Variants in FAM167A observed in about 807,000 individuals in gnomAD.
The protein encoded by FAM167A is family with sequence similarity 167 member A.
In FAM167A, 23 loss-of-function variants were observed where a neutral mutation model predicts 14.9. That is an observed-to-expected ratio of 1.55 (90% CI 1.11 to 2.19). FAM167A has a LOEUF of 2.19. Ranked by LOEUF, FAM167A falls within the 30% of genes most tolerant of loss-of-function variation. FAM167A has a pLI of 0.00. For synonymous variants in FAM167A, 174 were observed against 117.7 expected (o/e 1.48, Z -3.10); for missense variants, 401 against 281.5 (o/e 1.42, Z -3.04).
At chr8:11,460,548 T>C (rs1304003220) in intron 1 of FAM167A, among the ~76,000 whole-genome samples, 1 of 152,182 alleles carries the variant, frequency 6.6e-6, no homozygotes, top group African/African-American at 2.4e-5. Flanking sequence ...GTTTGCAGTG[T>C]CCTATGCTAA....
At chr8:11,435,830 T>C (rs1805966713) in intron 2 of FAM167A, among the ~76,000 whole-genome samples, 1 of 152,242 alleles carries the variant, frequency 6.6e-6, no homozygotes, top group African/African-American at 2.4e-5. Flanking sequence ...ACACTACTGA[T>C]CATTTATGAG....
chr8:11,438,039 G>A (rs753612285), intron 2 of FAM167A: 1 of 393,666 alleles, frequency 2.5e-6, no homozygotes, highest in South Asian at 1.8e-5. Context: ...CTCCTTCGAA[G>A]GGAAACTTCA....
upstream of FAM167A, among the ~76,000 whole-genome samples, chr8:11,470,478 G>A (rs975612235): frequency 6.6e-6 from 1 of 152,258 alleles, no homozygotes; most frequent in Non-Finnish European, 1.5e-5. Flanking sequence ...CAGGTGCTGC[G>A]GCAGAGCCCT....
At position 11,424,299 on chromosome 8, in the gene FAM167A, T is replaced by G. The variant is rs1804973349; in HGVS notation, c.*74A>C. The G allele has an allele frequency of 6.3e-7, 1 of 1,585,920 alleles. No individual in the cohort carries two copies. Among genetic ancestry groups the G allele is most frequent in the South Asian group, 1.1e-5 (1 of 87,702 alleles). ...CTCCGGGAGACCCACTGGAGTAACT[T>G]GGCCTCAGCTTCCTCTGACACCCCT... On this transcript the variant is annotated 3_prime_UTR_variant, in exon 3 of 3. Transcript: ENST00000284486.
upstream of FAM167A, among the ~76,000 whole-genome samples, chr8:11,469,567 G>A (rs1807890082): frequency 1.3e-5 from 2 of 152,132 alleles, no homozygotes; most frequent in South Asian, 4.1e-4. Flanking sequence ...TGAAATAGAT[G>A]AGTCAAGAAA....
intron 2 of FAM167A, among the ~76,000 whole-genome samples, chr8:11,439,618 G>A (rs984641097): frequency 3.3e-5 from 5 of 152,180 alleles, no homozygotes; most frequent in African/African-American, 9.7e-5. Flanking sequence ...GGGGAGGGAG[G>A]AGACTGCGGG....
chr8:11,435,858 T>A (rs1192180199), intron 2 of FAM167A, among the ~76,000 whole-genome samples: 1 of 152,254 alleles, frequency 6.6e-6, no homozygotes, highest in Non-Finnish European at 1.5e-5. Flanking sequence ...TAAGCCCATA[T>A]CCACACACTT....
chr8:11,424,588 G>A lies in FAM167A; in HGVS notation c.430C>T (p.Leu144=). The A allele has an allele frequency of 6.2e-7, 1 of 1,614,156 alleles. No individual in the cohort carries two copies. Among genetic ancestry groups the A allele is most frequent in the Non-Finnish European group, 8.5e-7 (1 of 1,180,028 alleles). ...TTCAGCTTGTTGATGTCGCCACGCA[G>A]GCGCATGAGCTGTCTGGCCAGTTGC... is the stretch of plus-strand genomic sequence containing the variant. ...DQQLARQLMR[L]RGDINKLKIE... The change falls in exon 3 of 3, where the codon CTG becomes TTG. Residue 144 remains leucine, a synonymous_variant. Coordinates refer to ENST00000284486, the MANE Select transcript of FAM167A (RefSeq NM_053279.3).
At chr8:11,471,560 A>G (rs963707140), upstream of FAM167A, among the ~76,000 whole-genome samples, 29 of 152,204 alleles carry the variant, frequency 1.9e-4, no homozygotes, top group African/African-American at 6.8e-4. Context: ...GGTGATTAGT[A>G]TGTACCATGG....
intron 2 of FAM167A, among the ~76,000 whole-genome samples, chr8:11,434,560 A>G (rs1470264754): frequency 6.6e-6 from 1 of 152,174 alleles, no homozygotes; most frequent in Non-Finnish European, 1.5e-5. Flanking sequence ...GGCCCTGCCG[A>G]GGACTCCACA....
intron 2 of FAM167A, among the ~76,000 whole-genome samples, chr8:11,442,504 G>C (rs1806503327): frequency 6.6e-6 from 1 of 152,156 alleles, no homozygotes; most frequent in Admixed American, 6.5e-5. Flanking sequence ...AAAAGAAAAA[G>C]CCTCAGCTCC....
intron 1 of FAM167A, among the ~76,000 whole-genome samples, chr8:11,452,739 G>T (rs1807074058): frequency 6.6e-6 from 1 of 152,178 alleles, no homozygotes; most frequent in Non-Finnish European, 1.5e-5. Context: ...AGACGTGACG[G>T]CCTGAGATCC....
chr8:11,468,018 T>A (rs1206547460), upstream of FAM167A, among the ~76,000 whole-genome samples: 1 of 152,168 alleles, frequency 6.6e-6, no homozygotes, highest in Non-Finnish European at 1.5e-5. Flanking sequence ...CCGCTGCCAC[T>A]GTCCCTACCC....
chr8:11,468,137 G>C (rs1807845405), upstream of FAM167A, among the ~76,000 whole-genome samples: 1 of 152,126 alleles, frequency 6.6e-6, no homozygotes, highest in Non-Finnish European at 1.5e-5. Context: ...CGCCTCCCAA[G>C]CCAGTTACTC....
At chr8:11,456,846 T>C (rs1174276454) in intron 1 of FAM167A, among the ~76,000 whole-genome samples, 1 of 105,008 alleles carries the variant, frequency 9.5e-6, no homozygotes, top group Non-Finnish European at 1.9e-5. Context: ...GTTAGGGAAG[T>C]GGGCAGGGCT....
chr8:11,431,917 A>AAAAAAAG lies in FAM167A; in HGVS notation c.382-7282_382-7281insCTTTTTT, dbSNP rs752330983. On this transcript the variant is annotated intron_variant, in intron 2 of 2. Coordinates refer to ENST00000284486, the MANE Select transcript of FAM167A (RefSeq NM_053279.3). ...GCAAAAAAAAAAAAAAAAAAAAAAA[A>AAAAAAAG]AAGGATTTTGTTCTTTGCCAAAGGC... Among the ~76,000 whole-genome samples the AAAAAAAG allele has an allele frequency of 4.2e-3, 416 of 99,484 alleles. 74 individuals are homozygous for AAAAAAAG. The highest frequency in any genetic ancestry group is 5.7e-3 in the Non-Finnish European group (287 of 50,488). The allele number at this position is 99,484 out of a possible 152,430, so 65.3% of individuals were successfully genotyped here.
chr8:11,466,138 G>A (rs1807755834), intron 1 of FAM167A, among the ~76,000 whole-genome samples: 1 of 152,064 alleles, frequency 6.6e-6, no homozygotes, highest in South Asian at 2.1e-4. Context: ...ACTGGCTTGG[G>A]TCCTTAGAGC....
intron 1 of FAM167A, among the ~76,000 whole-genome samples, chr8:11,453,830 A>C (rs2409778): frequency 0.32 from 48,461 of 151,696 alleles, 8,474 homozygotes; most frequent in Middle Eastern, 0.47. Context: ...CGCAGCACAT[A>C]AACACTGCAG....
Position 11,443,903 on chromosome 8 carries a change from T to C in FAM167A, c.381+128A>G, listed in dbSNP as rs566939549. 103 of 1,196,924 alleles carry C rather than the reference T, an allele frequency of 8.6e-5. No homozygotes were observed. The African/African-American group carries it at 1.5e-3, about 17-fold the overall frequency. 74.1% of individuals were successfully genotyped at this position (1,196,924 alleles called of 1,614,324 possible). A position where few individuals can be genotyped will look rare whatever the true frequency, so the allele number is the denominator to read the frequency against. Reference sequence around the variant, plus strand: ...TCACGGGAAGATTACAGATGTGCACTTGGGGGTTAGAGAGAGGGGAAGAAA... The same window carrying C: ...TCACGGGAAGATTACAGATGTGCACCTGGGGGTTAGAGAGAGGGGAAGAAA... On this transcript the variant is annotated intron_variant, in intron 2 of 2. Transcript: ENST00000284486.
Sources: gnomAD v4.1 joint callset for allele counts (sites outside exome capture counted in the v4.1 genomes callset) on GRCh38, gnomAD v4.1.1 for gene constraint, MANE v1.5 for transcripts, NCBI Gene and HGNC (gene_info 2026-07-23, HGNC 2026-07-21) for gene names.